Variants in ASPH observed in about 807,000 individuals in gnomAD.
ASPH encodes aspartate beta-hydroxylase, also known as aspartyl/asparaginyl beta-hydroxylase.
Under a neutral mutation model 118.4 loss-of-function variants are expected in ASPH, and 100 were observed. The observed-to-expected ratio is 0.84, with a 90% CI of 0.72 to 1.00. The LOEUF is 1.00. Among genes scored for constraint, ASPH ranks in the 50% least tolerant of loss-of-function variants. The pLI, the probability that ASPH is intolerant of heterozygous loss-of-function variation, is 0.00. For synonymous variants in ASPH, 315 were observed against 325.6 expected (o/e 0.97, Z 0.35); for missense variants, 920 against 919.5 (o/e 1.00, Z -0.01).
intron 21 of ASPH, among the ~76,000 whole-genome samples, chr8:61,546,248 C>T (rs943894636): frequency 8.5e-5 from 13 of 152,314 alleles, no homozygotes; most frequent in Middle Eastern, 3.4e-3. Flanking sequence ...CCGAAGTCTG[C>T]CCTACTGCTA....
intron 5 of ASPH, among the ~76,000 whole-genome samples, chr8:61,650,234 G>A (rs760587469): frequency 2.6e-5 from 4 of 152,148 alleles, no homozygotes; most frequent in Non-Finnish European, 2.9e-5. Flanking sequence ...GTGGCTTTCC[G>A]AGCTGCAAAG....
At chr8:61,555,889 A>G in intron 19 of ASPH, 35 bp downstream of exon 19, 1 of 1,579,568 alleles carries the variant, frequency 6.3e-7, no homozygotes, top group Non-Finnish European at 8.7e-7. Flanking sequence ...GAAGGACTTG[A>G]AAGATGAAAG....
chr8:61,553,556 A>C (rs1826768843), intron 19 of ASPH, among the ~76,000 whole-genome samples: 1 of 152,072 alleles, frequency 6.6e-6, no homozygotes, highest in South Asian at 2.1e-4. Flanking sequence ...AACTGCGAGC[A>C]TTATTTCTTT....
intron 24 of ASPH, among the ~76,000 whole-genome samples, chr8:61,512,803 T>C (rs1266464292): frequency 6.6e-6 from 1 of 152,196 alleles, no homozygotes; most frequent in African/African-American, 2.4e-5. Context: ...GAACAATGTA[T>C]ATTATTACTA....
intron 14 of ASPH, among the ~76,000 whole-genome samples, chr8:61,605,700 C>T (rs1006529854): frequency 5.3e-5 from 8 of 152,156 alleles, no homozygotes; most frequent in African/African-American, 1.9e-4. Flanking sequence ...TCATAAGAGC[C>T]TTGACCTCCA....
rs1822621223 is a variant in ASPH, at chr8:61,543,286, G to C, written c.1764+4785C>G. Reference sequence around the variant, plus strand: ...CTGGTACACTTGATCGTGCTCCATAGGTTGTTTTCTTCATTCTCTTTTTCT... The same window carrying C: ...CTGGTACACTTGATCGTGCTCCATACGTTGTTTTCTTCATTCTCTTTTTCT... On this transcript the variant is annotated intron_variant, in intron 21 of 24. Transcript: ENST00000379454. 2.6e-5 allele frequency among the ~76,000 whole-genome samples: 4 copies of C among 152,036 alleles called. No individual in the cohort carries two copies. In the South Asian group the frequency reaches 8.3e-4, roughly 32 times the overall value.
At chr8:61,645,067 A>C (rs938912367) in intron 6 of ASPH, among the ~76,000 whole-genome samples, 1 of 152,252 alleles carries the variant, frequency 6.6e-6, no homozygotes, top group Non-Finnish European at 1.5e-5. Flanking sequence ...TAGGGAGCTG[A>C]AGGGTAAATG....
chr8:61,517,939 G>C, intron 23 of ASPH, 93 bp downstream of exon 23: 1 of 1,322,256 alleles, frequency 7.6e-7, no homozygotes, highest in Non-Finnish European at 1.1e-6. Flanking sequence ...GGCATTCATT[G>C]GGCCAAAGGA....
intron 24 of ASPH, among the ~76,000 whole-genome samples, chr8:61,507,031 C>T (rs1194889046): frequency 2.0e-5 from 3 of 152,194 alleles, no homozygotes; most frequent in Non-Finnish European, 4.4e-5. Context: ...AAAATTCTAG[C>T]CCACACAAAA....
At chr8:61,643,188 T>C (rs575784083) in intron 9 of ASPH, among the ~76,000 whole-genome samples, 198 bp downstream of exon 9, 2 of 152,310 alleles carry the variant, frequency 1.3e-5, no homozygotes, top group South Asian at 4.1e-4. Flanking sequence ...TGTTATGGAA[T>C]GGTTAGTTGA....
intron 14 of ASPH, among the ~76,000 whole-genome samples, chr8:61,602,712 C>T (rs947551071): frequency 6.0e-5 from 9 of 151,120 alleles, no homozygotes; most frequent in African/African-American, 1.5e-4. Context: ...AGAGCAGCAC[C>T]AGGAAACTTG....
chr8:61,530,622 C>G (rs1272259105), intron 21 of ASPH, among the ~76,000 whole-genome samples: 1 of 152,144 alleles, frequency 6.6e-6, no homozygotes, highest in Non-Finnish European at 1.5e-5. Flanking sequence ...AATTGACTTC[C>G]TGCAGAAAGT....
intron 19 of ASPH, 46 bp from the exon 20 acceptor site, chr8:61,553,166 G>T: frequency 7.1e-7 from 1 of 1,409,544 alleles, no homozygotes; most frequent in Non-Finnish European, 1.0e-6. Flanking sequence ...TTAAATACCA[G>T]ATTCCATTAA....
intron 3 of ASPH, among the ~76,000 whole-genome samples, chr8:61,676,929 A>T (rs1425733305): frequency 6.6e-6 from 1 of 152,096 alleles, no homozygotes; most frequent in Non-Finnish European, 1.5e-5. Flanking sequence ...AATACACTCA[A>T]ATTATGTAAC....
chr8:61,563,461 C>T (rs758117041), intron 17 of ASPH, among the ~76,000 whole-genome samples: 6 of 151,954 alleles, frequency 3.9e-5, no homozygotes, highest in African/African-American at 7.3e-5. Context: ...ATACTTTGCA[C>T]GCATGAATCA....
At chr8:61,620,307 C>T (rs996887180) in intron 13 of ASPH, among the ~76,000 whole-genome samples, 1 of 152,056 alleles carries the variant, frequency 6.6e-6, no homozygotes, top group Admixed American at 6.6e-5. Context: ...ATTAGAGTCC[C>T]CAAAGCTATC....
At chr8:61,576,561 G>C (rs2132119219) in intron 16 of ASPH, 2 of 458,840 alleles carry the variant, frequency 4.4e-6, no homozygotes, top group East Asian at 6.7e-5. Flanking sequence ...TTCAAAGCCA[G>C]AGAGAAGTCA....
At chr8:61,521,032 C>T (rs1586452690) in intron 22 of ASPH, among the ~76,000 whole-genome samples, 1 of 152,186 alleles carries the variant, frequency 6.6e-6, no homozygotes, top group South Asian at 2.1e-4. Context: ...TAACTCTTCA[C>T]GTCTGATCAT....
In ASPH at chr8:61,553,024, C is replaced by A; in HGVS notation, c.1626+7G>T. On this transcript the variant is annotated splice_region_variant and intron_variant, in intron 20 of 24. Coordinates refer to ENST00000379454, the MANE Select transcript of ASPH (RefSeq NM_004318.4). ...TAGAGAGAATCAGAAATTCATATACCCATTACCTCTTTGTTCCCAACCCTC... is the reference window on the plus strand; with the variant it reads ...TAGAGAGAATCAGAAATTCATATACACATTACCTCTTTGTTCCCAACCCTC... 1 of 1,598,494 alleles carries A rather than the reference C, an allele frequency of 6.3e-7. No individual in the cohort carries two copies. The highest frequency in any genetic ancestry group is 8.6e-7 in the Non-Finnish European group (1 of 1,166,210).
Sources: allele counts gnomAD v4.1 joint callset (sites outside exome capture counted in the v4.1 genomes callset), GRCh38; gene constraint gnomAD v4.1.1; transcripts MANE v1.5; gene names NCBI Gene and HGNC (gene_info 2026-07-23, HGNC 2026-07-21).